DDR2: variants seen among roughly 807,000 people sequenced by gnomAD.
The protein encoded by DDR2 is discoidin domain-containing receptor 2.
In DDR2, 27 loss-of-function variants were observed where a neutral mutation model predicts 94.9. The observed-to-expected ratio is 0.28, with a 90% CI of 0.21 to 0.39. DDR2 has a LOEUF of 0.39. Among genes scored for constraint, DDR2 ranks in the 10% least tolerant of loss-of-function variants. DDR2 has a pLI of 1.00. For missense variants in DDR2, 783 were observed against 1,076.0 expected (o/e 0.73, Z 3.81); for synonymous variants, 382 against 377.2 (o/e 1.01, Z -0.15).
At chr1:162,719,297 A>G in intron 3 of DDR2, 152 bp downstream of exon 3, 3 of 1,386,904 alleles carry the variant, frequency 2.2e-6, no homozygotes, top group Non-Finnish European at 2.9e-6. Context: ...AATAGGAAGA[A>G]AAATGAATAT....
rs567669959 is a variant in DDR2, at chr1:162,785,610, T to G, written c.*5364T>G. 2 of 152,340 alleles carry G rather than the reference T, an allele frequency of 1.3e-5. No homozygotes were observed. Among genetic ancestry groups the G allele is most frequent in the Non-Finnish European group, 2.9e-5 (2 of 68,022 alleles). 9.4% of individuals were successfully genotyped at this position (152,340 alleles called of 1,614,324 possible). A position where few individuals can be genotyped will look rare whatever the true frequency, so the allele number is the denominator to read the frequency against. ...GTGTCTTACTAAGTTTCTAGGTCAT[T>G]GTGAGCACTTGATAAATATTTGCTG... On this transcript the variant is annotated 3_prime_UTR_variant, in exon 18 of 18. Transcript: ENST00000367921.
At chr1:162,743,508 C>A (rs1191455810) in intron 3 of DDR2, among the ~76,000 whole-genome samples, 2 of 152,142 alleles carry the variant, frequency 1.3e-5, no homozygotes, top group Non-Finnish European at 2.9e-5. Flanking sequence ...TCTACTCCAC[C>A]CTGCAGTCCC....
chr1:162,693,351 C>T (rs1660043114), intron 2 of DDR2, among the ~76,000 whole-genome samples: 1 of 152,186 alleles, frequency 6.6e-6, no homozygotes, highest in African/African-American at 2.4e-5. Context: ...GGAGCTTCTG[C>T]ATGAAAGTAT....
At chr1:162,666,357 G>A (rs1571167936) in intron 2 of DDR2, among the ~76,000 whole-genome samples, 2 of 152,158 alleles carry the variant, frequency 1.3e-5, no homozygotes, top group Non-Finnish European at 2.9e-5. Context: ...CTAAACACAC[G>A]GTAGACATTC....
rs368193771 is a variant in DDR2 at position 162,780,064 on chromosome 1, A to G, written c.2434-48A>G. ...CTTCCCTTTCCCCCGTCTTTGTAAT[A>G]TTCTCTCTCTCTCTCTCTTTTGTTT... On this transcript the variant is annotated intron_variant, in intron 17 of 17. Transcript: ENST00000367921. The G allele has an allele frequency of 1.9e-5, 29 of 1,566,356 alleles. No homozygotes were observed. In the East Asian group the frequency reaches 5.2e-4, roughly 28 times the overall value.
chr1:162,653,656 A>G (rs766419340), intron 1 of DDR2, among the ~76,000 whole-genome samples: 1 of 152,116 alleles, frequency 6.6e-6, no homozygotes, highest in Non-Finnish European at 1.5e-5. Context: ...TGCTGATGAT[A>G]GTGAGTGTTT....
chr1:162,684,391 A>C (rs991694878), intron 2 of DDR2, among the ~76,000 whole-genome samples: 1 of 152,194 alleles, frequency 6.6e-6, no homozygotes, highest in South Asian at 2.1e-4. Flanking sequence ...TCTCAACACC[A>C]TGAGGCCCTG....
In DDR2 at chr1:162,755,649, G is replaced by A; in HGVS notation, c.566-15G>A. 6.2e-7 allele frequency: 1 copy of A among 1,613,188 alleles called. No homozygotes were observed. The highest frequency in any genetic ancestry group is 1.7e-4 in the Middle Eastern group (1 of 6,052). On this transcript the variant is annotated splice_polypyrimidine_tract_variant and intron_variant, in intron 6 of 17. Transcript: ENST00000367921. ...CTGAGCAGTAGGCACTCACTTGGCT[G>A]TGTTTCCTTTGCAGATGGCTTGGTG...
chr1:162,653,061 C>T (rs909456714), intron 1 of DDR2, among the ~76,000 whole-genome samples: 2 of 152,060 alleles, frequency 1.3e-5, no homozygotes, highest in South Asian at 2.1e-4. Context: ...GCCATGATCA[C>T]GCCACTGCAC....
chr1:162,763,547 A>C (rs1428638375), intron 9 of DDR2, among the ~76,000 whole-genome samples: 2 of 151,880 alleles, frequency 1.3e-5, no homozygotes, highest in Non-Finnish European at 2.9e-5. Context: ...ATCTGACCCT[A>C]GAAGCCTTTG....
chr1:162,724,260 C>G (rs1661550131), intron 3 of DDR2, among the ~76,000 whole-genome samples: 1 of 152,180 alleles, frequency 6.6e-6, no homozygotes, highest in South Asian at 2.1e-4. Context: ...GCTGAAGTGA[C>G]CTTTATCTAA....
chr1:162,730,331 G>A (rs980423837), intron 3 of DDR2, among the ~76,000 whole-genome samples: 2 of 152,100 alleles, frequency 1.3e-5, no homozygotes, highest in Non-Finnish European at 2.9e-5. Flanking sequence ...GGGAGGGTGA[G>A]GCCTTCATGC....
chr1:162,639,013 T>C (rs1312979344), intron 1 of DDR2, among the ~76,000 whole-genome samples: 1 of 152,028 alleles, frequency 6.6e-6, no homozygotes, highest in Non-Finnish European at 1.5e-5. Flanking sequence ...TTGCCCAGAC[T>C]GGAGTGCAGT....
At chr1:162,733,527 T>A (rs1480157424) in intron 3 of DDR2, among the ~76,000 whole-genome samples, 1 of 152,244 alleles carries the variant, frequency 6.6e-6, no homozygotes, top group African/African-American at 2.4e-5. Context: ...ATTTTCTTAA[T>A]GTGACTATTG....
chr1:162,750,351 G>C (rs1181997392), intron 3 of DDR2, among the ~76,000 whole-genome samples: 2 of 151,938 alleles, frequency 1.3e-5, no homozygotes, highest in African/African-American at 4.8e-5. Context: ...ACACCAATAA[G>C]AGACAAACAG....
At position 162,688,006 on chromosome 1, in the gene DDR2, T is replaced by A. The variant is rs369750681; in HGVS notation, c.-27-31031T>A. ...ACTAAAAGTTTCCAGGCTGACTCAG[T>A]CCAAAGGTGACTGTTTTGGAAACTT... On this transcript the variant is annotated intron_variant, in intron 2 of 17. Transcript: ENST00000367921. Among the ~76,000 whole-genome samples the A allele has an allele frequency of 3.9e-5, 6 of 152,308 alleles. No homozygotes were observed. In the East Asian group the frequency reaches 5.8e-4, roughly 15 times the overall value.
At chr1:162,643,921 A>G (rs114768585) in intron 1 of DDR2, among the ~76,000 whole-genome samples, 1,800 of 152,306 alleles carry the variant, frequency 0.012, 41 homozygotes, top group African/African-American at 0.041. Context: ...TTAAATTGGA[A>G]AAAGAGAGTC....
At chr1:162,644,216 A>G (rs1657295676) in intron 1 of DDR2, among the ~76,000 whole-genome samples, 1 of 152,248 alleles carries the variant, frequency 6.6e-6, no homozygotes. Flanking sequence ...TAGCATTTTT[A>G]AAAATAATGA....
chr1:162,734,965 C>G (rs1662226055), intron 3 of DDR2, among the ~76,000 whole-genome samples: 1 of 152,084 alleles, frequency 6.6e-6, no homozygotes, highest in African/African-American at 2.4e-5. Flanking sequence ...TATAGTGGCT[C>G]AGATGGGAGG....
Sources: gnomAD v4.1 joint callset for allele counts (sites outside exome capture counted in the v4.1 genomes callset) on GRCh38, gnomAD v4.1.1 for gene constraint, MANE v1.5 for transcripts, NCBI Gene and HGNC (gene_info 2026-07-23, HGNC 2026-07-21) for gene names.